Variants in UBA6 observed in about 807,000 individuals in gnomAD.
The protein encoded by UBA6 is ubiquitin like modifier activating enzyme 6.
A neutral mutation model predicts 148.3 loss-of-function variants in UBA6; 87 were observed. The ratio of observed to expected loss-of-function variants is 0.59; its 90% CI spans 0.49 to 0.70. The LOEUF is 0.70. Among genes scored for constraint, UBA6 ranks in the 30% least tolerant of loss-of-function variants. The probability of loss-of-function intolerance (pLI) is 0.00; values close to 1 mark genes in which losing one functional copy is unlikely to be tolerated. For synonymous variants in UBA6, 376 were observed against 401.0 expected (o/e 0.94, Z 0.75); for missense variants, 1,186 against 1,241.2 (o/e 0.96, Z 0.67).
chr4:67,671,768 T>C (rs1489164361), intron 7 of UBA6, among the ~76,000 whole-genome samples: 3 of 152,190 alleles, frequency 2.0e-5, no homozygotes, highest in Admixed American at 1.3e-4. Context: ...TTTTCCTTTT[T>C]CCAGTGGAAC....
intron 13 of UBA6, among the ~76,000 whole-genome samples, chr4:67,658,990 T>C (rs1560490435): frequency 6.6e-6 from 1 of 152,210 alleles, no homozygotes; most frequent in African/African-American, 2.4e-5. Flanking sequence ...ACAAAATTTT[T>C]TATAACTACA....
intron 13 of UBA6, among the ~76,000 whole-genome samples, chr4:67,653,213 G>A (rs565208118): frequency 2.0e-5 from 3 of 152,298 alleles, no homozygotes; most frequent in Non-Finnish European, 2.9e-5. Context: ...AGAACAGACA[G>A]ACTGCCTCCT....
At chr4:67,688,427 A>C (rs1321628752) in intron 2 of UBA6, among the ~76,000 whole-genome samples, 1 of 152,154 alleles carries the variant, frequency 6.6e-6, no homozygotes, top group Non-Finnish European at 1.5e-5. Context: ...ATAAAGACCA[A>C]AAATAGAGAG....
At chr4:67,650,488 G>A (rs547844432) in intron 13 of UBA6, among the ~76,000 whole-genome samples, 1 of 152,156 alleles carries the variant, frequency 6.6e-6, no homozygotes. Context: ...AAAGACGGCA[G>A]CCTATAGCTA....
At chr4:67,648,269 C>T (rs552206878) in intron 14 of UBA6, among the ~76,000 whole-genome samples, 1 of 150,984 alleles carries the variant, frequency 6.6e-6, no homozygotes, top group Non-Finnish European at 1.5e-5. Flanking sequence ...GAGTTTGAGA[C>T]CAGTCTGGCC....
chr4:67,632,625 T>C (rs2109902963), intron 23 of UBA6, among the ~76,000 whole-genome samples: 1 of 152,208 alleles, frequency 6.6e-6, no homozygotes, highest in African/African-American at 2.4e-5. Context: ...GGTAAAGAAG[T>C]GGTAACATTG....
intron 15 of UBA6, among the ~76,000 whole-genome samples, 159 bp downstream of exon 15, chr4:67,646,565 A>G (rs1366726414): frequency 6.6e-6 from 1 of 152,220 alleles, no homozygotes; most frequent in African/African-American, 2.4e-5. Flanking sequence ...TAGTAAAGAG[A>G]TATGACATTA....
chr4:67,694,516 C>T (rs1275532388), intron 2 of UBA6, among the ~76,000 whole-genome samples: 21 of 151,776 alleles, frequency 1.4e-4, no homozygotes, highest in Middle Eastern at 3.4e-3. Flanking sequence ...CTCAGCCTCC[C>T]GACTAGCTGG....
In UBA6 at chr4:67,665,293, C is replaced by T. The variant is rs1286382198; in HGVS notation, c.794-1G>A. On this transcript the variant is annotated splice_acceptor_variant, in intron 9 of 32. Transcript: ENST00000322244. LOFTEE classifies it high-confidence loss of function. Reference sequence around the variant, plus strand: ...ATACTAAAAGAAAATGGCGATATCACTAGAAGACAAAAAATTTAAAAAATC... The same window carrying T: ...ATACTAAAAGAAAATGGCGATATCATTAGAAGACAAAAAATTTAAAAAATC... The T allele has an allele frequency of 1.9e-6, 3 of 1,575,030 alleles. No homozygotes were observed. The highest frequency in any genetic ancestry group is 2.6e-6 in the Non-Finnish European group (3 of 1,164,066).
At position 67,618,879 on chromosome 4, in the gene UBA6, A is replaced by C. The variant is rs1728687966; in HGVS notation, c.*118T>G. 1 of 1,048,950 alleles carries C rather than the reference A, an allele frequency of 9.5e-7. No homozygotes were observed. The highest frequency in any genetic ancestry group is 1.4e-6 in the Non-Finnish European group (1 of 732,482). The allele number at this position is 1,048,950 out of a possible 1,614,324, so 65.0% of individuals were successfully genotyped here. A position where few individuals can be genotyped will look rare whatever the true frequency, so the allele number is the denominator to read the frequency against. On this transcript the variant is annotated 3_prime_UTR_variant, in exon 33 of 33. Transcript: ENST00000322244. Reference sequence around the variant, plus strand: ...GTTTCTTACTGATGTTTCCCTTAAAATTAAGGCTTAATGAAAGAGAAATCC... The same window carrying C: ...GTTTCTTACTGATGTTTCCCTTAAACTTAAGGCTTAATGAAAGAGAAATCC...
intron 2 of UBA6, among the ~76,000 whole-genome samples, chr4:67,689,219 T>C (rs1425602001): frequency 3.9e-5 from 6 of 152,164 alleles, no homozygotes; most frequent in Non-Finnish European, 5.9e-5. Flanking sequence ...TAAGATACGC[T>C]AGGCTAAGAT....
intron 15 of UBA6, among the ~76,000 whole-genome samples, 169 bp downstream of exon 15, chr4:67,646,555 T>C (rs2109917262): frequency 1.3e-5 from 2 of 152,296 alleles, no homozygotes; most frequent in South Asian, 2.1e-4. Context: ...ATTTATCAAG[T>C]AGTAAAGAGA....
At position 67,622,849 on chromosome 4, in the gene UBA6, G is replaced by T; in HGVS notation, c.3005C>A (p.Ala1002Glu). The T allele has an allele frequency of 6.2e-7, 1 of 1,610,766 alleles. No individual in the cohort carries two copies. The highest frequency in any genetic ancestry group is 1.1e-5 in the South Asian group (1 of 90,286). The change falls in exon 32 of 33, where the codon GCA (alanine) becomes GAA (glutamate). Residue 1002 changes from alanine to glutamate, a missense_variant. Coordinates refer to ENST00000322244, the MANE Select transcript of UBA6 (RefSeq NM_018227.6). ...TACTTACGTTAACTTCAATCTTTTT[G>T]CATGACCAGGCATTACAGGAACATA... ...MLYVPVMPGH[A>E]KRLKLTMHKL...
At chr4:67,635,415 T>TAAA in intron 20 of UBA6, 38 bp downstream of exon 20, 1 of 1,277,200 alleles carries the variant, frequency 7.8e-7, no homozygotes, top group East Asian at 2.3e-5. Context: ...TTACAAGATA[T>TAAA]AAAAAAGACA....
intron 18 of UBA6, 111 bp downstream of exon 18, chr4:67,641,040 A>G (rs1269373647): frequency 1.7e-5 from 12 of 696,780 alleles, no homozygotes; most frequent in Non-Finnish European, 2.9e-5. Flanking sequence ...TGATAATTTG[A>G]AAGTTTCTAA....
rs1392706902 is a variant in UBA6 at position 67,682,162 on chromosome 4, G to A, written c.186C>T (p.Ser62=). The A allele has an allele frequency of 6.2e-7, 1 of 1,613,610 alleles. No individual in the cohort carries two copies. The highest frequency in any genetic ancestry group is 1.3e-5 in the African/African-American group (1 of 74,852). ...CACCCATCCCACTTAAGAAAACATG[G>A]GACTTGGCCATCTTCTGCATTGCTG... is the stretch of plus-strand genomic sequence containing the variant. The part of the protein sequence containing the change: ...GDTAMQKMAK[S]HVFLSGMGGL... Residue 62 remains serine, a synonymous_variant, in exon 3 of 33, where the codon TCC becomes TCT. Coordinates refer to ENST00000322244, the MANE Select transcript of UBA6 (RefSeq NM_018227.6).
chr4:67,661,815 A>C (rs1315236746), intron 13 of UBA6: 1 of 263,516 alleles, frequency 3.8e-6, no homozygotes, highest in Non-Finnish European at 7.0e-6. Flanking sequence ...ATGAATGTAT[A>C]ATATATAAAA....
intron 13 of UBA6, among the ~76,000 whole-genome samples, chr4:67,652,998 T>C (rs1729591168): frequency 6.6e-6 from 1 of 152,156 alleles, no homozygotes; most frequent in African/African-American, 2.4e-5. Flanking sequence ...TGCTGAGGCT[T>C]GAGTAGGTAA....
At chr4:67,655,976 A>G (rs1443002824) in intron 13 of UBA6, among the ~76,000 whole-genome samples, 1 of 152,246 alleles carries the variant, frequency 6.6e-6, no homozygotes, top group East Asian at 1.9e-4. Context: ...ACACCCTCCC[A>G]AGACTAAACC....
Sources: allele counts gnomAD v4.1 joint callset (sites outside exome capture counted in the v4.1 genomes callset), GRCh38; gene constraint gnomAD v4.1.1; transcripts MANE v1.5; gene names NCBI Gene and HGNC (gene_info 2026-07-23, HGNC 2026-07-21).